KDM5D: variants seen among roughly 807,000 people sequenced by gnomAD.
The protein encoded by KDM5D is lysine-specific demethylase 5D.
A neutral mutation model predicts 31.9 loss-of-function variants in KDM5D; 25 were observed. The observed-to-expected ratio is 0.78, with a 90% CI of 0.57 to 1.09. The LOEUF (loss-of-function observed/expected upper bound fraction) is 1.09. Among genes scored for constraint, KDM5D ranks in the 50% least tolerant of loss-of-function variants. The pLI is 0.00. For missense variants in KDM5D, 366 were observed against 341.6 expected (o/e 1.07, Z -0.56); for synonymous variants, 146 against 122.3 (o/e 1.19, Z -1.28).
chrY:19,709,151 G>A, intron 20 of KDM5D, 138 bp from the exon 21 acceptor site: 1 of 172,346 alleles, frequency 5.8e-6, no homozygotes, highest in African/African-American at 8.1e-5. Flanking sequence ...GCCACACTGA[G>A]GAACTCTCTA....
intron 13 of KDM5D, among the ~76,000 whole-genome samples, chrY:19,718,441 A>C: frequency 2.9e-5 from 1 of 34,670 alleles, no homozygotes; most frequent in East Asian, 7.5e-4. Flanking sequence ...GAAGTCAGAT[A>C]CAAAAGATCA....
At position 19,703,940 on chromosome Y, in the gene KDM5D, G is replaced by A; in HGVS notation, c.*2055C>T. 6 of 33,872 alleles carry A rather than the reference G, an allele frequency of 1.8e-4. No individual in the cohort carries two copies. The highest frequency in any genetic ancestry group is 6.9e-4 in the African/African-American group (6 of 8,681). The allele number at this position is 33,872 out of a possible 400,897, so 8.4% of individuals were successfully genotyped here. A position where few individuals can be genotyped will look rare whatever the true frequency, so the allele number is the denominator to read the frequency against. ...TTTTCTGAATTAGAATTATCGCAGA[G>A]AACACTGAATGGCCTATGAAATTCA... On this transcript the variant is annotated 3_prime_UTR_variant, in exon 27 of 27. Coordinates refer to ENST00000317961, the MANE Select transcript of KDM5D (RefSeq NM_004653.5).
intron 11 of KDM5D, 119 bp from the exon 12 acceptor site, chrY:19,721,430 C>G: frequency 1.2e-5 from 2 of 172,827 alleles, no homozygotes. Flanking sequence ...CTCTGGTATT[C>G]CTGGTCACAA....
intron 19 of KDM5D, 137 bp from the exon 20 acceptor site, chrY:19,709,946 G>C (rs990159037): frequency 2.9e-6 from 1 of 343,148 alleles, no homozygotes; most frequent in Non-Finnish European, 3.9e-6. Flanking sequence ...CCTAAAACAT[G>C]ATCTATCTGA....
chrY:19,726,697 A>C, intron 11 of KDM5D, among the ~76,000 whole-genome samples: 1 of 33,313 alleles, frequency 3.0e-5, no homozygotes. Flanking sequence ...CCCAGAACTT[A>C]ATGTATAATT....
Position 19,704,289 on chromosome Y carries a change from T to C in KDM5D, c.*1706A>G, listed in dbSNP as rs2045217219. Reference sequence around the variant, plus strand: ...TTTTCCGTTAACAAGTGTCAGAGAATCTGTAATGGCTTGAGAATCATGACT... The same window carrying C: ...TTTTCCGTTAACAAGTGTCAGAGAACCTGTAATGGCTTGAGAATCATGACT... On this transcript the variant is annotated 3_prime_UTR_variant, in exon 27 of 27. Transcript: ENST00000317961. The C allele has an allele frequency of 2.9e-5, 1 of 33,909 alleles. No homozygotes were observed. The highest frequency in any genetic ancestry group is 2.7e-4 in the Admixed American group (1 of 3,711). The allele number at this position is 33,909 out of a possible 400,897, so 8.5% of individuals were successfully genotyped here.
In KDM5D at chrY:19,744,504, G is replaced by T; in HGVS notation, c.31C>A (p.Pro11Thr). The stretch of plus-strand genomic sequence containing the variant: ...GGCTCAAAAACCGGGCACTCCGGTG[G>T]CGGCAGGAACTCGTCACACCCCGGT... MEPGCDEFLPPPECPVFEPSW... is the reference protein window; with the variant it reads MEPGCDEFLPTPECPVFEPSW... The change falls in exon 2 of 27, where the codon CCA (proline) becomes ACA (threonine). Residue 11 changes from proline to threonine, a missense_variant. Coordinates refer to ENST00000317961, the MANE Select transcript of KDM5D (RefSeq NM_004653.5). 1 of 396,934 alleles carries T rather than the reference G, an allele frequency of 2.5e-6. No homozygotes were observed. The highest frequency in any genetic ancestry group is 3.0e-5 in the South Asian group (1 of 33,586).
At chrY:19,727,809 C>A in intron 11 of KDM5D, among the ~76,000 whole-genome samples, 1 of 32,520 alleles carries the variant, frequency 3.1e-5, no homozygotes, top group South Asian at 6.6e-4. Flanking sequence ...ATCAGAAATT[C>A]TAAAGATAAA....
chrY:19,712,949 A>G, intron 18 of KDM5D, among the ~76,000 whole-genome samples: 1 of 34,513 alleles, frequency 2.9e-5, no homozygotes, highest in Non-Finnish European at 7.2e-5. Context: ...AAATGTTTAC[A>G]AAAACAGTTT....
In KDM5D at chrY:19,721,142, T is replaced by C; in HGVS notation, c.1541A>G (p.Asn514Ser). The C allele has an allele frequency of 7.6e-6, 3 of 396,460 alleles. No individual in the cohort carries two copies. Among genetic ancestry groups the C allele is most frequent in the Non-Finnish European group, 3.5e-6 (1 of 282,892 alleles). The change falls in exon 12 of 27, where the codon AAC (asparagine) becomes AGC (serine). Residue 514 changes from asparagine to serine, a missense_variant. Asn to Ser is a conservative substitution (Grantham distance 46). Transcript: ENST00000317961. ...HIEDHWSYSI[N>S]YLHWGEPKTW... The stretch of plus-strand genomic sequence containing the variant: ...GGGTCATGCTCACCAATGCAGATAG[T>C]TAATAGAGTAACTCCAGTGATCCTC...
At chrY:19,743,356 A>C (rs2045569661) in intron 2 of KDM5D, 117 bp from the exon 3 acceptor site, 2 of 89,644 alleles carry the variant, frequency 2.2e-5, no homozygotes, top group Non-Finnish European at 4.1e-5. Flanking sequence ...TTTGTACACA[A>C]GGGCCTCAAA....
chrY:19,721,278 T>A lies in KDM5D; in HGVS notation c.1405A>T (p.Met469Leu). ...YATSGWNLNVMPVLDQSVLCH... is the reference protein window; with the variant it reads ...YATSGWNLNVLPVLDQSVLCH... Reference sequence around the variant, plus strand: ...AGAACAGACTGATCTAGCACTGGCATCACATTCAGGTTCCAACCACTGGTC... The same window carrying A: ...AGAACAGACTGATCTAGCACTGGCAACACATTCAGGTTCCAACCACTGGTC... Residue 469 changes from methionine to leucine, a missense_variant, in exon 12 of 27, where the codon ATG (methionine) becomes TTG (leucine). Met to Leu is a conservative substitution (Grantham distance 15). Transcript: ENST00000317961. 1 of 398,279 alleles carries A rather than the reference T, an allele frequency of 2.5e-6. No homozygotes were observed.
intron 6 of KDM5D, among the ~76,000 whole-genome samples, chrY:19,739,079 C>T (rs2045529921): frequency 3.0e-5 from 1 of 33,164 alleles, no homozygotes; most frequent in African/African-American, 1.2e-4. Flanking sequence ...ACCTACTGAC[C>T]ATCACATGGA....
chrY:19,719,448 G>A, intron 13 of KDM5D, among the ~76,000 whole-genome samples: 1 of 33,446 alleles, frequency 3.0e-5, no homozygotes, highest in Non-Finnish European at 7.4e-5. Context: ...TTCAACAGGA[G>A]CTTTGAGCAG....
Position 19,704,424 on chromosome Y carries a change from G to C in KDM5D, c.*1571C>G, listed in dbSNP as rs1031900032. On this transcript the variant is annotated 3_prime_UTR_variant, in exon 27 of 27. Transcript: ENST00000317961. ...TATTTTACCTGGTCCCTATGGTGTG[G>C]TAAGGTAAAGTACACTGTACTTGGA... The C allele has an allele frequency of 1.8e-3, 59 of 33,252 alleles. No homozygotes were observed. The highest frequency in any genetic ancestry group is 6.2e-3 in the African/African-American group (53 of 8,545). The allele number at this position is 33,252 out of a possible 400,897, so 8.3% of individuals were successfully genotyped here.
rs2045223801 is a variant in KDM5D, at chrY:19,705,949, GAAAC to G, written c.*42_*45del. 1.7e-5 allele frequency: 5 copies of G among 300,000 alleles called. No homozygotes were observed. Among genetic ancestry groups the G allele is most frequent in the South Asian group, 3.5e-5 (1 of 28,960 alleles). The allele number at this position is 300,000 out of a possible 400,897, so 74.8% of individuals were successfully genotyped here. Reference sequence around the variant, plus strand: ...CAGGCCAGGAGATAGTAGGATTTAAGAAACAAACAAACAAAAACAACCACAAATG... The same window carrying G: ...CAGGCCAGGAGATAGTAGGATTTAAGAAACAAACAAAAACAACCACAAATG... On this transcript the variant is annotated 3_prime_UTR_variant, in exon 27 of 27. Transcript: ENST00000317961.
At chrY:19,720,092 G>T (rs1025056806) in intron 13 of KDM5D, among the ~76,000 whole-genome samples, 1 of 32,382 alleles carries the variant, frequency 3.1e-5, no homozygotes, top group Non-Finnish European at 7.5e-5. Context: ...ATAAAAGTTA[G>T]TATTACATAT....
chrY:19,730,274 C>T, intron 11 of KDM5D, among the ~76,000 whole-genome samples: 1 of 32,558 alleles, frequency 3.1e-5, no homozygotes, highest in Non-Finnish European at 7.5e-5. Context: ...TATGACAAAC[C>T]CATGACGGTG....
Position 19,708,440 on chromosome Y carries a change from A to G in KDM5D, c.3082-17T>C. ...GTCACCATTCTGGAATAGGGGAAAG[A>G]AACTTTATTTAAATTATGTCAACAA... On this transcript the variant is annotated splice_polypyrimidine_tract_variant and intron_variant, in intron 21 of 26. Coordinates refer to ENST00000317961, the MANE Select transcript of KDM5D (RefSeq NM_004653.5). 1 of 345,458 alleles carries G rather than the reference A, an allele frequency of 2.9e-6. No individual in the cohort carries two copies. The highest frequency in any genetic ancestry group is 4.1e-6 in the Non-Finnish European group (1 of 243,446). The allele number at this position is 345,458 out of a possible 400,897, so 86.2% of individuals were successfully genotyped here. A position where few individuals can be genotyped will look rare whatever the true frequency, so the allele number is the denominator to read the frequency against.
Sources: gnomAD v4.1 joint callset for allele counts (sites outside exome capture counted in the v4.1 genomes callset) on GRCh38, gnomAD v4.1.1 for gene constraint, MANE v1.5 for transcripts, NCBI Gene and HGNC (gene_info 2026-07-23, HGNC 2026-07-21) for gene names.